Variants in FIP1L1 observed in about 807,000 individuals in gnomAD.
FIP1L1 encodes factor interacting with PAPOLA and CPSF1.
Under a neutral mutation model 84.6 loss-of-function variants are expected in FIP1L1, and 21 were observed. The ratio of observed to expected loss-of-function variants is 0.25; its 90% CI spans 0.18 to 0.36. FIP1L1 has a LOEUF of 0.36. Ranked by LOEUF, FIP1L1 falls within the 10% of genes least tolerant of loss-of-function variation. The pLI, the probability that FIP1L1 is intolerant of heterozygous loss-of-function variation, is 1.00. For synonymous variants in FIP1L1, 263 were observed against 242.3 expected (o/e 1.09, Z -0.80); for missense variants, 526 against 751.1 (o/e 0.70, Z 3.50).
At chr4:53,426,208 T>G (rs1379451262) in intron 12 of FIP1L1, among the ~76,000 whole-genome samples, 1 of 152,134 alleles carries the variant, frequency 6.6e-6, no homozygotes, top group Non-Finnish European at 1.5e-5. Flanking sequence ...GTTGAGTATC[T>G]CTTATCTGAA....
At chr4:53,390,942 A>T (rs1323284652) in intron 7 of FIP1L1, 67 bp from the exon 8 acceptor site, 1 of 1,280,642 alleles carries the variant, frequency 7.8e-7, no homozygotes, top group African/African-American at 1.5e-5. Flanking sequence ...ATAGTTTAGT[A>T]TATTTTTGAT....
At chr4:53,398,923 G>A (rs1390489249) in intron 9 of FIP1L1, among the ~76,000 whole-genome samples, 2 of 152,150 alleles carry the variant, frequency 1.3e-5, no homozygotes, top group African/African-American at 2.4e-5. Context: ...AGGCTGAGGT[G>A]GGCAGATCAC....
chr4:53,426,341 T>C (rs1278629860), intron 12 of FIP1L1, among the ~76,000 whole-genome samples: 1 of 152,176 alleles, frequency 6.6e-6, no homozygotes, highest in Non-Finnish European at 1.5e-5. Context: ...AAATAAGTTA[T>C]TTAATTTGTT....
chr4:53,432,398 C>CAAAAAAAAA, intron 13 of FIP1L1, among the ~76,000 whole-genome samples: 1 of 68,402 alleles, frequency 1.5e-5, no homozygotes, highest in Non-Finnish European at 2.6e-5. Flanking sequence ...AACTCCATCT[C>CAAAAAAAAA]AAAAAAAAAA....
intron 15 of FIP1L1, among the ~76,000 whole-genome samples, chr4:53,448,512 A>G (rs1475749859): frequency 6.6e-5 from 10 of 152,120 alleles, no homozygotes; most frequent in South Asian, 2.1e-4. Flanking sequence ...TTACTACATA[A>G]TGCTCTTTGA....
At chr4:53,440,881 A>G (rs1384216779) in intron 13 of FIP1L1, 1 of 303,514 alleles carries the variant, frequency 3.3e-6, no homozygotes, top group Non-Finnish European at 6.1e-6. Flanking sequence ...GATATAAAAT[A>G]AAAGTTTTCT....
At chr4:53,436,708 G>T (rs1263716432) in intron 13 of FIP1L1, among the ~76,000 whole-genome samples, 1 of 152,078 alleles carries the variant, frequency 6.6e-6, no homozygotes, top group African/African-American at 2.4e-5. Context: ...AATCTGTTTA[G>T]TTTTTTTGTG....
intron 13 of FIP1L1, 119 bp downstream of exon 13, chr4:53,428,302 A>T: frequency 1.1e-6 from 1 of 938,080 alleles, no homozygotes; most frequent in Non-Finnish European, 1.5e-6. Flanking sequence ...TAGATATAAT[A>T]TCTTCAACAG....
chr4:53,390,916 C>CT, intron 7 of FIP1L1, 93 bp from the exon 8 acceptor site: 1 of 1,081,886 alleles, frequency 9.2e-7, no homozygotes, highest in South Asian at 2.0e-5. Flanking sequence ...TGATAGAACT[C>CT]TAAATTTATA....
Position 53,444,074 on chromosome 4 carries a change from G to A in FIP1L1, c.1256G>A (p.Arg419His), listed in dbSNP as rs757796686. The change falls in exon 15 of 18, where the codon CGT becomes CAT. Residue 419 changes from arginine (R) to histidine (H), a missense_variant. By Grantham distance (29) the Arg-to-His change is conservative. Around this residue, in one of 6 missense-constraint regions of FIP1L1, gnomAD observed 83 missense variants for 93.8 expected, o/e 0.88. Coordinates refer to ENST00000337488, the MANE Select transcript of FIP1L1 (RefSeq NM_030917.4). ...GGACATTCCTCTGGTTATGATAGTC[G>A]TTCTGCACGTGCATTTCCATATGGC... is the stretch of plus-strand genomic sequence containing the variant. ...ESGHSSGYDS[R>H]SARAFPYGNV... is the part of the protein sequence containing the mutation. 11 of 1,606,724 alleles carry A rather than the reference G, an allele frequency of 6.8e-6. No individual in the cohort carries two copies. Among genetic ancestry groups the A allele is most frequent in the Middle Eastern group, 1.6e-4 (1 of 6,064 alleles).
At chr4:53,380,266 T>C (rs1737121392) in intron 3 of FIP1L1, among the ~76,000 whole-genome samples, 1 of 152,240 alleles carries the variant, frequency 6.6e-6, no homozygotes, top group African/African-American at 2.4e-5. Context: ...AGATTAAATG[T>C]GTTATATCCA....
chr4:53,395,707 GA>G (rs1267936498), intron 9 of FIP1L1, among the ~76,000 whole-genome samples: 1 of 152,144 alleles, frequency 6.6e-6, no homozygotes, highest in African/African-American at 2.4e-5. Context: ...GTTTTAGGAT[GA>G]GACATAGTAA....
chr4:53,420,447 AAGATAAATC>A (rs1761938224), intron 11 of FIP1L1, among the ~76,000 whole-genome samples: 1 of 94,036 alleles, frequency 1.1e-5, no homozygotes, highest in Non-Finnish European at 2.8e-5. Flanking sequence ...AAAAAAAAAA[AAGATAAATC>A]AGACACTCAG....
chr4:53,451,402 A>G (rs1302775752), intron 15 of FIP1L1, among the ~76,000 whole-genome samples: 3 of 151,764 alleles, frequency 2.0e-5, no homozygotes, highest in East Asian at 1.9e-4. Context: ...CAAATCAACA[A>G]TCTTTGTTTT....
chr4:53,442,016 T>A (rs1023604662), intron 13 of FIP1L1, among the ~76,000 whole-genome samples: 1 of 151,960 alleles, frequency 6.6e-6, no homozygotes, highest in African/African-American at 2.4e-5. Flanking sequence ...GGTATTCCAT[T>A]TAGGTATTGT....
chr4:53,452,925 T>G lies in FIP1L1; in HGVS notation c.1291T>G (p.Phe431Val). The G allele has an allele frequency of 6.2e-7, 1 of 1,612,330 alleles. No homozygotes were observed. Among genetic ancestry groups the G allele is most frequent in the Non-Finnish European group, 8.5e-7 (1 of 1,179,848 alleles). ...ARAFPYGNVA[F>V]PHLPGSAPSW... is the part of the protein sequence containing the mutation. Reference sequence around the variant, plus strand: ...TAATCGTGTTTTTTCTTTAGTTGCCTTTCCCCATCTTCCTGGTTCTGCTCC... The same window carrying G: ...TAATCGTGTTTTTTCTTTAGTTGCCGTTCCCCATCTTCCTGGTTCTGCTCC... Residue 431 changes from phenylalanine (F) to valine (V), a missense_variant, in exon 16 of 18, where the codon TTT becomes GTT. Phe to Val is a conservative substitution (Grantham distance 50). Around this residue, in one of 6 missense-constraint regions of FIP1L1, gnomAD observed 83 missense variants for 93.8 expected, o/e 0.88. Transcript: ENST00000337488.
intron 5 of FIP1L1, among the ~76,000 whole-genome samples, chr4:53,386,713 G>A (rs1741279969): frequency 6.6e-6 from 1 of 152,194 alleles, no homozygotes; most frequent in South Asian, 2.1e-4. Flanking sequence ...GGATAAGGTA[G>A]ATGAAAAGAG....
rs1250372842 is a variant in FIP1L1 at position 53,383,678 on chromosome 4, A to G, written c.229-95A>G. The G allele has an allele frequency of 3.9e-6, 5 of 1,278,222 alleles. No homozygotes were observed. The East Asian group carries it at 1.3e-4, about 33-fold the overall frequency. The allele number at this position is 1,278,222 out of a possible 1,614,324, so 79.2% of individuals were successfully genotyped here. On this transcript the variant is annotated intron_variant, in intron 4 of 17. Transcript: ENST00000337488. ...GTCTGTCTCAAGACAGAAGAAAGAAAAAAAAAAACAGGGTGGTTACTTTTT... is the reference window on the plus strand; with the variant it reads ...GTCTGTCTCAAGACAGAAGAAAGAAGAAAAAAAACAGGGTGGTTACTTTTT...
intron 16 of FIP1L1, 148 bp downstream of exon 16, chr4:53,453,281 G>A (rs1269666894): frequency 1.2e-6 from 1 of 850,672 alleles, no homozygotes; most frequent in African/African-American, 1.7e-5. Flanking sequence ...TAAAGGATTA[G>A]AGGCTTCCCA....
Sources: gnomAD v4.1 joint callset for allele counts (sites outside exome capture counted in the v4.1 genomes callset) on GRCh38, gnomAD v4.1.1 for gene constraint, gnomAD v4.1.1 regional missense constraint, MANE v1.5 for transcripts, NCBI Gene and HGNC (gene_info 2026-07-23, HGNC 2026-07-21) for gene names.